PIK3C3: variants seen among roughly 807,000 people sequenced by gnomAD.
The protein encoded by PIK3C3 is phosphatidylinositol 3-kinase catalytic subunit type 3.
Under a neutral mutation model 126.1 loss-of-function variants are expected in PIK3C3, and 95 were observed. The observed-to-expected ratio is 0.75, with a 90% CI of 0.64 to 0.89. PIK3C3 has a LOEUF of 0.89. Among genes scored for constraint, PIK3C3 ranks in the 40% least tolerant of loss-of-function variants. The probability of loss-of-function intolerance (pLI) is 0.00; values close to 1 mark genes in which losing one functional copy is unlikely to be tolerated. For missense variants in PIK3C3, 829 were observed against 1,063.2 expected (o/e 0.78, Z 3.06); for synonymous variants, 374 against 360.0 (o/e 1.04, Z -0.44).
intron 24 of PIK3C3, among the ~76,000 whole-genome samples, chr18:42,075,718 A>G (rs1197258710): frequency 6.7e-6 from 1 of 149,408 alleles, no homozygotes; most frequent in African/African-American, 2.4e-5. Context: ...ATTTATATAT[A>G]TGTATTTTTA....
intron 21 of PIK3C3, among the ~76,000 whole-genome samples, chr18:42,054,150 A>G (rs60424202): frequency 7.4e-4 from 17 of 23,124 alleles, no homozygotes; most frequent in South Asian, 5.9e-3. Flanking sequence ...ATATATATAT[A>G]TATATATATA....
chr18:41,993,171 T>A (rs1568126253), intron 6 of PIK3C3, 99 bp from the exon 7 acceptor site: 8 of 610,904 alleles, frequency 1.3e-5, no homozygotes, highest in Non-Finnish European at 2.2e-5. Context: ...AAGAATGATG[T>A]TCATCAAATA....
At position 42,067,385 on chromosome 18, in the gene PIK3C3, T is replaced by C. The variant is rs779877425; in HGVS notation, c.2524-3T>C. On this transcript the variant is annotated splice_region_variant and splice_polypyrimidine_tract_variant and intron_variant, in intron 23 of 24. Transcript: ENST00000262039. ...TGTAAAGACTAAGAGTGTTATCTTA[T>C]AGGTTCAGGATAAATTCCGCTTAGA... 53 of 1,613,802 alleles carry C rather than the reference T, an allele frequency of 3.3e-5. No individual in the cohort carries two copies. The highest frequency in any genetic ancestry group is 1.6e-4 in the Middle Eastern group (1 of 6,082).
At chr18:41,966,198 T>TTTTTTTTTTTTTTTC in intron 3 of PIK3C3, among the ~76,000 whole-genome samples, 1 of 143,698 alleles carries the variant, frequency 7.0e-6, no homozygotes, top group Non-Finnish European at 1.5e-5. Flanking sequence ...TTTTTTTTTT[T>TTTTTTTTTTTTTTTC]TTGAGATGGA....
At chr18:41,984,176 A>G (rs1201052550) in intron 4 of PIK3C3, among the ~76,000 whole-genome samples, 5 of 152,096 alleles carry the variant, frequency 3.3e-5, no homozygotes, top group Admixed American at 3.3e-4. Context: ...AACAGAATGC[A>G]GATTTTCTCT....
At chr18:42,065,558 C>T (rs1428642183) in intron 23 of PIK3C3, among the ~76,000 whole-genome samples, 1 of 152,156 alleles carries the variant, frequency 6.6e-6, no homozygotes, top group Non-Finnish European at 1.5e-5. Context: ...AATTTACTTC[C>T]ACAGCTTCAC....
At chr18:42,034,916 G>C (rs1450786416) in intron 16 of PIK3C3, among the ~76,000 whole-genome samples, 1 of 152,136 alleles carries the variant, frequency 6.6e-6, no homozygotes, top group Non-Finnish European at 1.5e-5. Context: ...CCTCATATTT[G>C]GTCATGGGTT....
intron 8 of PIK3C3, among the ~76,000 whole-genome samples, chr18:41,996,308 A>G (rs1276059079): frequency 6.6e-6 from 1 of 152,144 alleles, no homozygotes; most frequent in Non-Finnish European, 1.5e-5. Context: ...ATTGACTTTA[A>G]AAGAGTTTAT....
At chr18:42,058,650 A>T (rs893706200) in intron 22 of PIK3C3, among the ~76,000 whole-genome samples, 109 of 152,314 alleles carry the variant, frequency 7.2e-4, no homozygotes, top group African/African-American at 2.5e-3. Flanking sequence ...TGCTACAAAA[A>T]AATGTTTTTT....
chr18:41,982,164 A>G (rs1216762160), intron 4 of PIK3C3, among the ~76,000 whole-genome samples: 1 of 152,230 alleles, frequency 6.6e-6, no homozygotes, highest in African/African-American at 2.4e-5. Flanking sequence ...TCAGAGAGGC[A>G]TTAGAGTCAA....
At chr18:41,986,398 AAGTG>A (rs1172916741) in intron 4 of PIK3C3, among the ~76,000 whole-genome samples, 1 of 152,078 alleles carries the variant, frequency 6.6e-6, no homozygotes, top group African/African-American at 2.4e-5. Context: ...GCATATTGCG[AAGTG>A]AGTAAGAATA....
chr18:42,032,793 A>T (rs1324820800), intron 15 of PIK3C3, among the ~76,000 whole-genome samples: 1 of 152,124 alleles, frequency 6.6e-6, no homozygotes, highest in Non-Finnish European at 1.5e-5. Flanking sequence ...TGATTTTTGT[A>T]ACACTTATGT....
chr18:42,029,154 CTAAGA>C lies in PIK3C3; in HGVS notation c.1591-165_1591-161del, dbSNP rs550932640. ...TTGTGGATGGATTAGTGGTGTTTAA[CTAAGA>C]TAAGAGGTTTCTTGTTATTTTTGAA... On this transcript the variant is annotated intron_variant, in intron 14 of 24. Coordinates refer to ENST00000262039, the MANE Select transcript of PIK3C3 (RefSeq NM_002647.4). Among the ~76,000 whole-genome samples the C allele has an allele frequency of 2.8e-3, 420 of 152,286 alleles. 1 individual carries two copies. Among genetic ancestry groups the C allele is most frequent in the African/African-American group, 9.8e-3 (407 of 41,560 alleles).
intron 4 of PIK3C3, among the ~76,000 whole-genome samples, chr18:41,973,508 C>G (rs967464419): frequency 6.6e-6 from 1 of 151,974 alleles, no homozygotes; most frequent in East Asian, 1.9e-4. Context: ...TACTTACATT[C>G]TTAAAATTAT....
At chr18:42,002,720 G>T (rs1263690430) in intron 9 of PIK3C3, among the ~76,000 whole-genome samples, 2 of 152,160 alleles carry the variant, frequency 1.3e-5, no homozygotes, top group Non-Finnish European at 2.9e-5. Context: ...TTTGTGCTAA[G>T]ATCACTTCCA....
At chr18:42,076,131 T>TATATATGCGC (rs1568013636) in intron 24 of PIK3C3, among the ~76,000 whole-genome samples, 1 of 83,478 alleles carries the variant, frequency 1.2e-5, no homozygotes, top group African/African-American at 7.8e-5. Flanking sequence ...TGCGCATATA[T>TATATATGCGC]ATATATATAT....
chr18:42,039,234 A>C (rs1391938077), intron 18 of PIK3C3, among the ~76,000 whole-genome samples: 1 of 152,172 alleles, frequency 6.6e-6, no homozygotes, highest in Non-Finnish European at 1.5e-5. Context: ...TAAATTCCAT[A>C]GTCTTGCTGC....
At chr18:42,048,830 T>A (rs1378348410) in intron 20 of PIK3C3, among the ~76,000 whole-genome samples, 2 of 152,190 alleles carry the variant, frequency 1.3e-5, no homozygotes, top group Non-Finnish European at 2.9e-5. Flanking sequence ...TGTTTACAAG[T>A]TGTGTTTGTT....
intron 15 of PIK3C3, among the ~76,000 whole-genome samples, chr18:42,032,182 A>T (rs1983858849): frequency 6.6e-6 from 1 of 152,176 alleles, no homozygotes; most frequent in South Asian, 2.1e-4. Context: ...CAGCCAGAGG[A>T]ATAGCAGTGC....
Sources: allele counts gnomAD v4.1 joint callset (sites outside exome capture counted in the v4.1 genomes callset), GRCh38; gene constraint gnomAD v4.1.1; transcripts MANE v1.5; gene names NCBI Gene and HGNC (gene_info 2026-07-23, HGNC 2026-07-21).